Variants in SIGLEC6 observed in about 807,000 individuals in gnomAD.
SIGLEC6 encodes the protein sialic acid binding Ig like lectin 6, also known as sialic acid-binding Ig-like lectin 6.
Under a neutral mutation model 41.4 loss-of-function variants are expected in SIGLEC6, and 31 were observed. The observed-to-expected ratio is 0.75, with a 90% CI of 0.56 to 1.01. The LOEUF (loss-of-function observed/expected upper bound fraction) is 1.01. Among genes scored for constraint, SIGLEC6 ranks in the 50% least tolerant of loss-of-function variants. The pLI, the probability that SIGLEC6 is intolerant of heterozygous loss-of-function variation, is 0.00. For missense variants in SIGLEC6, 555 were observed against 558.6 expected, an observed-to-expected ratio of 0.99 and a Z score of 0.06; for synonymous variants, 217 against 231.0, an observed-to-expected ratio of 0.94 and a Z score of 0.55.
Position 51,531,144 on chromosome 19 carries a change from G to C in SIGLEC6, c.427+16C>G, listed in dbSNP as rs1980262848. 1 of 1,570,844 alleles carries C rather than the reference G, an allele frequency of 6.4e-7. No homozygotes were observed. Among genetic ancestry groups the C allele is most frequent in the African/African-American group, 1.4e-5 (1 of 73,966 alleles). On this transcript the variant is annotated intron_variant, in intron 2 of 7. Transcript: ENST00000425629. ...ATGACCTTCCCCTGTGGCTAGTCCTGGAGCTGGTTCCTTACCCATCACACG... is the reference window on the plus strand; with the variant it reads ...ATGACCTTCCCCTGTGGCTAGTCCTCGAGCTGGTTCCTTACCCATCACACG...
intron 4 of SIGLEC6, 112 bp from the exon 5 acceptor site, chr19:51,530,093 G>A: frequency 1.5e-6 from 2 of 1,309,276 alleles, no homozygotes; most frequent in Non-Finnish European, 2.1e-6. Flanking sequence ...TAGTAAAGTG[G>A]GGGCCTCAGG....
At position 51,519,109 on chromosome 19, in the gene SIGLEC6, C is replaced by A. The variant is rs1990714217; in HGVS notation, c.*973G>T. Among the ~76,000 whole-genome samples, 1 of 151,956 alleles carries A rather than the reference C, an allele frequency of 6.6e-6. No homozygotes were observed. The highest frequency in any genetic ancestry group is 1.5e-5 in the Non-Finnish European group (1 of 67,980). ...AGGAGATCAAGACCATCCTGGCTAACACGGTGAAACCCCGTCTCTACTAAA... is the reference window on the plus strand; with the variant it reads ...AGGAGATCAAGACCATCCTGGCTAAAACGGTGAAACCCCGTCTCTACTAAA... On this transcript the variant is annotated 3_prime_UTR_variant, in exon 8 of 8. Transcript: ENST00000425629.
chr19:51,523,246 A>T (rs1978599589), intron 7 of SIGLEC6, among the ~76,000 whole-genome samples: 1 of 152,218 alleles, frequency 6.6e-6, no homozygotes, highest in Admixed American at 6.5e-5. Flanking sequence ...ATAGCAATGA[A>T]CTAAAAAACG....
chr19:51,525,352 C>T (rs1979032912), intron 7 of SIGLEC6, among the ~76,000 whole-genome samples: 1 of 152,132 alleles, frequency 6.6e-6, no homozygotes, highest in Admixed American at 6.5e-5. Flanking sequence ...ACTCCTACTC[C>T]CCCGAGGCTG....
In SIGLEC6 at chr19:51,529,984, T is replaced by C. The variant is rs1172653659; in HGVS notation, c.755-3A>G. On this transcript the variant is annotated splice_region_variant and splice_polypyrimidine_tract_variant and intron_variant, in intron 4 of 7. Coordinates refer to ENST00000425629, the MANE Select transcript of SIGLEC6 (RefSeq NM_001245.7). ...GGTGTTTTGCAGGATTTTGAAGGCT[T>C]TGGGGAGAGAGGTGTAGAGAGTTAG... The C allele has an allele frequency of 1.3e-6, 2 of 1,582,738 alleles. No individual in the cohort carries two copies. The highest frequency in any genetic ancestry group is 1.8e-5 in the Admixed American group (1 of 56,924).
rs868009185 is a variant in SIGLEC6 at position 51,518,864 on chromosome 19, G to A, written c.*1218C>T. On this transcript the variant is annotated 3_prime_UTR_variant, in exon 8 of 8. Transcript: ENST00000425629. The stretch of plus-strand genomic sequence containing the variant: ...TCATGTAGAGAGCCTTGAGCAGAAA[G>A]ATGATGGATGGAAACCTTATTTTGG... Among the ~76,000 whole-genome samples the A allele has an allele frequency of 6.6e-6, 1 of 152,172 alleles. No individual in the cohort carries two copies. Among genetic ancestry groups the A allele is most frequent in the Non-Finnish European group, 1.5e-5 (1 of 68,030 alleles).
At chr19:51,525,028 C>G (rs923964147) in intron 7 of SIGLEC6, among the ~76,000 whole-genome samples, 2 of 152,190 alleles carry the variant, frequency 1.3e-5, no homozygotes, top group Non-Finnish European at 2.9e-5. Flanking sequence ...ACTGCTCAGG[C>G]CCATGTGGAG....
At chr19:51,529,552 G>T in intron 5 of SIGLEC6, 172 bp downstream of exon 5, 1 of 747,686 alleles carries the variant, frequency 1.3e-6, no homozygotes, top group Non-Finnish European at 2.2e-6. Flanking sequence ...AGCTGCCAGT[G>T]CAGGGAGGAG....
intron 7 of SIGLEC6, among the ~76,000 whole-genome samples, chr19:51,526,396 C>A (rs1293499864): frequency 6.6e-6 from 1 of 152,176 alleles, no homozygotes; most frequent in Non-Finnish European, 1.5e-5. Flanking sequence ...TGCTTAAGCA[C>A]CACCTATTGG....
intron 6 of SIGLEC6, 110 bp downstream of exon 6, chr19:51,528,050 C>T (rs2290660): frequency 5.7e-6 from 6 of 1,053,694 alleles, no homozygotes; most frequent in East Asian, 2.5e-5. Context: ...TCCTCACTCT[C>T]GACTTTCCCA....
At chr19:51,523,981 C>A (rs1978762147) in intron 7 of SIGLEC6, among the ~76,000 whole-genome samples, 1 of 152,014 alleles carries the variant, frequency 6.6e-6, no homozygotes, top group African/African-American at 2.4e-5. Flanking sequence ...TGAGATCGTG[C>A]CACTGCACTC....
At chr19:51,521,996 A>C (rs1028097806) in intron 7 of SIGLEC6, among the ~76,000 whole-genome samples, 1 of 152,232 alleles carries the variant, frequency 6.6e-6, no homozygotes, top group African/African-American at 2.4e-5. Context: ...CAGCAACTGC[A>C]GTTCAAGTGG....
At chr19:51,520,918 CAT>C (rs1327651128) in intron 7 of SIGLEC6, among the ~76,000 whole-genome samples, 4 of 152,038 alleles carry the variant, frequency 2.6e-5, no homozygotes, top group African/African-American at 7.2e-5. Flanking sequence ...GGTCATGTGA[CAT>C]GTGCTAGATG....
chr19:51,531,396 T>C lies in SIGLEC6; in HGVS notation c.191A>G (p.Tyr64Cys), dbSNP rs1568559199. 1.2e-6 allele frequency: 2 copies of C among 1,614,036 alleles called. No individual in the cohort carries two copies. Among genetic ancestry groups the C allele is most frequent in the Non-Finnish European group, 1.7e-6 (2 of 1,179,988 alleles). ...AGCCCCTTCCAGGAACCAGTAGCCATAACCATAGTACGAGGCTGGAAGGGT... is the reference window on the plus strand; with the variant it reads ...AGCCCCTTCCAGGAACCAGTAGCCACAACCATAGTACGAGGCTGGAAGGGT... Reference protein sequence around the residue: ...PTTLPASYYGYGYWFLEGADV... With the variant: ...PTTLPASYYGCGYWFLEGADV... Residue 64 changes from tyrosine to cysteine, a missense_variant, in exon 2 of 8, where the codon TAT becomes TGT. Physicochemically the swap from Tyr to Cys is radical, Grantham distance 194 (BLOSUM62 -2). Transcript: ENST00000425629.
chr19:51,527,718 G>A, intron 7 of SIGLEC6, 29 bp downstream of exon 7: 1 of 1,603,524 alleles, frequency 6.2e-7, no homozygotes, highest in Non-Finnish European at 8.5e-7. Flanking sequence ...GGATAATGCT[G>A]AATGGAAATT....
At chr19:51,527,331 CT>C (rs1324922779) in intron 7 of SIGLEC6, among the ~76,000 whole-genome samples, 2 of 152,122 alleles carry the variant, frequency 1.3e-5, no homozygotes, top group Non-Finnish European at 2.9e-5. Context: ...GCAGTAATGA[CT>C]TTGGGTTGAT....
At chr19:51,525,500 C>A (rs1979063176) in intron 7 of SIGLEC6, among the ~76,000 whole-genome samples, 1 of 152,164 alleles carries the variant, frequency 6.6e-6, no homozygotes, top group African/African-American at 2.4e-5. Context: ...TGACCCGGGC[C>A]CCCAGCACAG....
chr19:51,529,038 C>T (rs1054106060), intron 5 of SIGLEC6, among the ~76,000 whole-genome samples: 12 of 143,872 alleles, frequency 8.3e-5, no homozygotes, highest in African/African-American at 2.4e-4. Context: ...TGGACACAGA[C>T]GCACATGTGG....
chr19:51,528,126 A>C, intron 6 of SIGLEC6, 34 bp downstream of exon 6: 1 of 1,577,984 alleles, frequency 6.3e-7, no homozygotes, highest in South Asian at 1.1e-5. Flanking sequence ...TCCCACATGA[A>C]GTCTTTCTGT....
Sources: allele counts gnomAD v4.1 joint callset (sites outside exome capture counted in the v4.1 genomes callset), GRCh38; gene constraint gnomAD v4.1.1; transcripts MANE v1.5; gene names NCBI Gene and HGNC (gene_info 2026-07-23, HGNC 2026-07-21).